KIRREL3: variants seen among roughly 807,000 people sequenced by gnomAD.
The protein encoded by KIRREL3 is kirre like nephrin family adhesion molecule 3.
In KIRREL3, 36 loss-of-function variants were observed where a neutral mutation model predicts 89.7. The ratio of observed to expected loss-of-function variants is 0.40; its 90% confidence interval spans 0.31 to 0.53. The LOEUF (loss-of-function observed/expected upper bound fraction) is 0.53. Among genes scored for constraint, KIRREL3 ranks in the 20% least tolerant of loss-of-function variants. The pLI is 0.49. For synonymous variants in KIRREL3, 445 were observed against 441.4 expected, an observed-to-expected ratio of 1.01 and a Z score of -0.10; for missense variants, 864 against 1,056.6, an observed-to-expected ratio of 0.82 and a Z score of 2.53.
chr11:126,924,812 C>T lies in KIRREL3; in HGVS notation c.55+75643G>A, dbSNP rs1947629658. Among the ~76,000 whole-genome samples, 1 of 152,134 alleles carries T rather than the reference C, an allele frequency of 6.6e-6. No individual in the cohort carries two copies. The highest frequency in any genetic ancestry group is 1.5e-5 in the Non-Finnish European group (1 of 68,028). On this transcript the variant is annotated intron_variant, in intron 1 of 16. Transcript: ENST00000525144. This position sits in a 1 kb window ranked among gnomAD's most constrained non-coding sequence, Gnocchi z 4.7. Reference sequence around the variant, plus strand: ...CCATCAACACCCTCACCTCAACCCTCCTGGTTAGCCTCTCTGATGTTGAGA... The same window carrying T: ...CCATCAACACCCTCACCTCAACCCTTCTGGTTAGCCTCTCTGATGTTGAGA...
Position 126,624,494 on chromosome 11 carries a change from T to C in KIRREL3, c.56-61582A>G, listed in dbSNP as rs866902356. Among the ~76,000 whole-genome samples the C allele has an allele frequency of 3.3e-5, 5 of 152,148 alleles. No individual in the cohort carries two copies. The highest frequency in any genetic ancestry group is 6.5e-5 in the Admixed American group (1 of 15,272). ...GGTTCATTTCTAGCAGGTGAACAAA[T>C]GTATGTTTATAATGGTGTAAAAACC... On this transcript the variant is annotated intron_variant, in intron 1 of 16. Transcript: ENST00000525144. This position sits in a 1 kb window ranked among gnomAD's most constrained non-coding sequence, Gnocchi z 6.0.
At chr11:126,868,082 G>T (rs528897278) in intron 1 of KIRREL3, among the ~76,000 whole-genome samples, 1 of 149,012 alleles carries the variant, frequency 6.7e-6, no homozygotes, top group African/African-American at 2.5e-5. Flanking sequence ...GGTGTGAAGC[G>T]GGGGTGGGAG....
At position 127,000,693 on chromosome 11, in the gene KIRREL3, C is replaced by A; in HGVS notation, c.-184G>T. On this transcript the variant is annotated 5_prime_UTR_variant, in exon 1 of 17. Coordinates refer to ENST00000525144, the MANE Select transcript of KIRREL3 (RefSeq NM_032531.4). This position sits in a 1 kb window ranked among gnomAD's most constrained non-coding sequence, Gnocchi z 7.1. ...CCTCTGGGTATCTGCAGCCAGCCGA[C>A]ACAAACTGCCTGTTCTTAGCCGCCT... The A allele has an allele frequency of 3.6e-6, 2 of 562,488 alleles. No homozygotes were observed. The highest frequency in any genetic ancestry group is 6.3e-6 in the Non-Finnish European group (2 of 317,462). The allele number at this position is 562,488 out of a possible 1,614,324, so 34.8% of individuals were successfully genotyped here.
intron 1 of KIRREL3, among the ~76,000 whole-genome samples, chr11:126,592,737 A>G (rs1178460724): frequency 1.3e-5 from 2 of 152,160 alleles, no homozygotes; most frequent in African/African-American, 4.8e-5. Flanking sequence ...CTTGGGGAAG[A>G]TGTGAGTTTG....
At chr11:126,591,130 G>A (rs541801253) in intron 1 of KIRREL3, among the ~76,000 whole-genome samples, 2 of 152,258 alleles carry the variant, frequency 1.3e-5, no homozygotes, top group South Asian at 4.1e-4. Flanking sequence ...GGAGTCTGAG[G>A]CAGGAGGATC....
chr11:126,815,295 AG>A (rs1367903802), intron 1 of KIRREL3, among the ~76,000 whole-genome samples: 1 of 152,190 alleles, frequency 6.6e-6, no homozygotes, highest in African/African-American at 2.4e-5. Context: ...TCCACGTGGA[AG>A]GAAGGGGCAA....
intron 2 of KIRREL3, among the ~76,000 whole-genome samples, chr11:126,529,099 G>C (rs1180551201): frequency 6.6e-6 from 1 of 152,148 alleles, no homozygotes; most frequent in Non-Finnish European, 1.5e-5. Context: ...TCCATTATTA[G>C]GAAGCACCCA....
intron 1 of KIRREL3, among the ~76,000 whole-genome samples, chr11:126,749,030 C>T (rs1296363954): frequency 1.3e-5 from 2 of 152,184 alleles, no homozygotes; most frequent in African/African-American, 4.8e-5. Context: ...CCTGCAGTCT[C>T]CAGGTGGCAG....
At chr11:126,871,371 T>C (rs1486862482) in intron 1 of KIRREL3, among the ~76,000 whole-genome samples, 1 of 152,222 alleles carries the variant, frequency 6.6e-6, no homozygotes, top group Non-Finnish European at 1.5e-5. Context: ...TCCTGTTTCA[T>C]GCTACATTAT....
chr11:126,889,201 C>T (rs1487425193), intron 1 of KIRREL3, among the ~76,000 whole-genome samples: 1 of 151,996 alleles, frequency 6.6e-6, no homozygotes, highest in African/African-American at 2.4e-5. Flanking sequence ...CTTAGTGACC[C>T]CTCCCTTTTT....
In KIRREL3 at chr11:126,697,965, A is replaced by C. The variant is rs1164314715; in HGVS notation, c.56-135053T>G. 6.6e-6 allele frequency among the ~76,000 whole-genome samples: 1 copy of C among 152,218 alleles called. No individual in the cohort carries two copies. The highest frequency in any genetic ancestry group is 2.4e-5 in the African/African-American group (1 of 41,460). On this transcript the variant is annotated intron_variant, in intron 1 of 16. Transcript: ENST00000525144. This position sits in a 1 kb window ranked among gnomAD's most constrained non-coding sequence, Gnocchi z 4.2. ...GAGACTGAGCAAGTGCCAAGAAGGG[A>C]AGATGACAACGCTGGTGAAGTCTGA... is the stretch of plus-strand genomic sequence containing the variant.
intron 3 of KIRREL3, among the ~76,000 whole-genome samples, chr11:126,524,149 T>C (rs866215192): frequency 3.3e-5 from 5 of 152,246 alleles, no homozygotes; most frequent in Non-Finnish European, 4.4e-5. Flanking sequence ...TTGGGTGAGT[T>C]ACTTTAACTT....
rs540342401 is a variant in KIRREL3, at chr11:126,991,013, C to T, written c.55+9442G>A. Reference sequence around the variant, plus strand: ...CAAGGGTGACAGGTGGACTGTCACACTGCACCAGAGCCGAGTCACCTGTGA... The same window carrying T: ...CAAGGGTGACAGGTGGACTGTCACATTGCACCAGAGCCGAGTCACCTGTGA... On this transcript the variant is annotated intron_variant, in intron 1 of 16. Coordinates refer to ENST00000525144, the MANE Select transcript of KIRREL3 (RefSeq NM_032531.4). The surrounding 1 kb of genome is among the most constrained non-coding windows in gnomAD (Gnocchi z 5.8). 8.5e-5 allele frequency among the ~76,000 whole-genome samples: 13 copies of T among 152,184 alleles called. No individual in the cohort carries two copies. The highest frequency in any genetic ancestry group is 1.5e-4 in the Non-Finnish European group (10 of 68,038).
chr11:126,732,220 A>G (rs116517207), intron 1 of KIRREL3, among the ~76,000 whole-genome samples: 2,480 of 152,350 alleles, frequency 0.016, 68 homozygotes, highest in African/African-American at 0.057. Flanking sequence ...AGAGCGATAG[A>G]GTAATTAATA....
chr11:127,000,783 C>T, upstream of KIRREL3: 1 of 489,646 alleles, frequency 2.0e-6, no homozygotes, highest in Non-Finnish European at 3.6e-6. This position sits in a 1 kb window ranked among gnomAD's most constrained non-coding sequence, Gnocchi z 7.1. Context: ...CTCTTGGCAT[C>T]CCAGGCACAC....
intron 1 of KIRREL3, among the ~76,000 whole-genome samples, chr11:126,779,931 G>A (rs1950276160): frequency 6.6e-6 from 1 of 152,142 alleles, no homozygotes; most frequent in Admixed American, 6.5e-5. Context: ...AGCTGGCAGG[G>A]AAGGAGAGAG....
intron 2 of KIRREL3, among the ~76,000 whole-genome samples, chr11:126,556,761 C>CCCT (rs1939737640): frequency 6.6e-6 from 1 of 152,082 alleles, no homozygotes; most frequent in Non-Finnish European, 1.5e-5. Context: ...TTGGAATGTT[C>CCCT]CCTCAGATCC....
At chr11:126,661,157 T>C (rs1945384039) in intron 1 of KIRREL3, among the ~76,000 whole-genome samples, 1 of 152,170 alleles carries the variant, frequency 6.6e-6, no homozygotes, top group African/African-American at 2.4e-5. Flanking sequence ...TGGGTAACCA[T>C]GTTTTGGATG....
In KIRREL3 at chr11:126,993,272, G is replaced by A. The variant is rs1950087149; in HGVS notation, c.55+7183C>T. ...TATAATGGCACCCATGGCCATTCAC[G>A]AGTTGACTCTTCCCTTCCCAACCTT... is the stretch of plus-strand genomic sequence containing the variant. On this transcript the variant is annotated intron_variant, in intron 1 of 16. Transcript: ENST00000525144. The surrounding 1 kb of genome is among the most constrained non-coding windows in gnomAD (Gnocchi z 6.1). Among the ~76,000 whole-genome samples, 1 of 152,086 alleles carries A rather than the reference G, an allele frequency of 6.6e-6. No homozygotes were observed. The highest frequency in any genetic ancestry group is 2.1e-4 in the South Asian group (1 of 4,812).
Sources: allele counts gnomAD v4.1 joint callset (sites outside exome capture counted in the v4.1 genomes callset), GRCh38; gene constraint gnomAD v4.1.1; non-coding constraint Gnocchi (gnomAD v3.1); transcripts MANE v1.5; gene names NCBI Gene and HGNC (gene_info 2026-07-23, HGNC 2026-07-21).